Variants in GGNBP2 observed in about 807,000 individuals in gnomAD.
GGNBP2 encodes the protein gametogenetin-binding protein 2.
In GGNBP2, 10 loss-of-function variants were observed where a neutral mutation model predicts 85.9. That is an observed-to-expected ratio of 0.12 (90% CI 0.07 to 0.20). The LOEUF (loss-of-function observed/expected upper bound fraction) is 0.20. Among genes scored for constraint, GGNBP2 ranks in the 10% least tolerant of loss-of-function variants. The pLI, the probability that GGNBP2 is intolerant of heterozygous loss-of-function variation, is 1.00. For missense variants in GGNBP2, 595 were observed against 857.8 expected, an observed-to-expected ratio of 0.69 and a Z score of 3.83; for synonymous variants, 287 against 285.7, an observed-to-expected ratio of 1.00 and a Z score of -0.05.
At chr17:36,570,618 T>G (rs150597177) in intron 6 of GGNBP2, among the ~76,000 whole-genome samples, 268 of 150,808 alleles carry the variant, frequency 1.8e-3, no homozygotes, top group African/African-American at 6.4e-3. Context: ...GAGAATCGCT[T>G]GAACCCAGGA....
intron 10 of GGNBP2, 155 bp downstream of exon 10, chr17:36,585,605 T>C: frequency 1.6e-6 from 1 of 635,800 alleles, no homozygotes. Context: ...TAATATTTCC[T>C]TTTTCTTTAT....
chr17:36,578,340 A>C (rs1210922729), intron 7 of GGNBP2, 154 bp downstream of exon 7: 12 of 568,850 alleles, frequency 2.1e-5, no homozygotes, highest in Non-Finnish European at 3.0e-5. Flanking sequence ...TAAAGTATGC[A>C]TTTCTTAATT....
At chr17:36,548,697 A>G (rs1193807432) in intron 2 of GGNBP2, among the ~76,000 whole-genome samples, 1 of 145,034 alleles carries the variant, frequency 6.9e-6, no homozygotes, top group Non-Finnish European at 1.5e-5. Flanking sequence ...TAATCCTAGC[A>G]CTTTGGGAGG....
chr17:36,575,857 G>A (rs2142759737), intron 6 of GGNBP2, among the ~76,000 whole-genome samples: 1 of 149,800 alleles, frequency 6.7e-6, no homozygotes, highest in East Asian at 2.0e-4. Flanking sequence ...ATGTTGGCCA[G>A]GCTGATCTCG....
chr17:36,560,726 T>G (rs891889434), intron 4 of GGNBP2, 47 bp from the exon 5 acceptor site: 5 of 1,116,342 alleles, frequency 4.5e-6, no homozygotes, highest in Non-Finnish European at 6.5e-6. Context: ...TTTTAAAATT[T>G]GAAAGTAAAA....
intron 4 of GGNBP2, among the ~76,000 whole-genome samples, chr17:36,559,341 A>G (rs899816095): frequency 6.6e-6 from 1 of 150,592 alleles, no homozygotes; most frequent in Non-Finnish European, 1.5e-5. Flanking sequence ...AATGGTTACC[A>G]TTTACCGAGA....
At chr17:36,545,338 C>G (rs1280986534) in intron 1 of GGNBP2, among the ~76,000 whole-genome samples, 2 of 123,368 alleles carry the variant, frequency 1.6e-5, no homozygotes, top group Non-Finnish European at 3.2e-5. Flanking sequence ...ACTCCTGCAG[C>G]GGGCGGGGAA....
Position 36,589,485 on chromosome 17 carries a change from A to AGT in GGNBP2, c.*74_*75insGT. On this transcript the variant is annotated 3_prime_UTR_variant, in exon 14 of 14. Transcript: ENST00000613102. ...GCGCCTTCTCTTTCGAAAAACTCTTAATTTAGTGACTTATGGCAAAATTTT... is the reference window on the plus strand; with the variant it reads ...GCGCCTTCTCTTTCGAAAAACTCTTAGTATTTAGTGACTTATGGCAAAATTTT... The AGT allele has an allele frequency of 8.1e-7, 1 of 1,236,374 alleles. No individual in the cohort carries two copies. Among genetic ancestry groups the AGT allele is most frequent in the Non-Finnish European group, 1.2e-6 (1 of 866,002 alleles). 76.6% of individuals were successfully genotyped at this position (1,236,374 alleles called of 1,614,324 possible). A position where few individuals can be genotyped will look rare whatever the true frequency, so the allele number is the denominator to read the frequency against.
At chr17:36,553,447 A>G (rs745599098) in intron 2 of GGNBP2, among the ~76,000 whole-genome samples, 50 of 152,170 alleles carry the variant, frequency 3.3e-4, no homozygotes, top group Non-Finnish European at 3.8e-4. Flanking sequence ...TAGAACAAAC[A>G]TGTTTTAAAT....
intron 2 of GGNBP2, among the ~76,000 whole-genome samples, chr17:36,551,256 G>A (rs2074305842): frequency 6.6e-6 from 1 of 151,614 alleles, no homozygotes; most frequent in Admixed American, 6.6e-5. Flanking sequence ...GCTCAAGCTG[G>A]CGTGCAATGG....
intron 5 of GGNBP2, among the ~76,000 whole-genome samples, chr17:36,565,073 A>G (rs564000786): frequency 2.0e-4 from 31 of 152,350 alleles, no homozygotes; most frequent in African/African-American, 7.0e-4. Flanking sequence ...GAAACCTGAG[A>G]AAGAGTAGCC....
chr17:36,585,326 C>G lies in GGNBP2; in HGVS notation c.1242C>G (p.Ser414Arg), dbSNP rs962357257. Residue 414 changes from serine (S) to arginine (R), a missense_variant, in exon 10 of 14, where the codon AGC becomes AGG. Physicochemically the swap from Ser to Arg is moderately radical, Grantham distance 110. Coordinates refer to ENST00000613102, the MANE Select transcript of GGNBP2 (RefSeq NM_024835.5). The part of the protein sequence containing the change: ...EKETDFIENS[S>R]CKACGSTEDG... ...AAACAGACTTCATAGAAAATAGCAG[C>G]TGCAAAGCCTGTGGCAGCACTGAAG... is the stretch of plus-strand genomic sequence containing the variant. The G allele has an allele frequency of 1.2e-6, 2 of 1,611,668 alleles. No individual in the cohort carries two copies. Among genetic ancestry groups the G allele is most frequent in the East Asian group, 2.2e-5 (1 of 44,806 alleles).
rs116300954 is a variant in GGNBP2 at position 36,588,608 on chromosome 17, T to A, written c.1891-600T>A. Reference sequence around the variant, plus strand: ...GTTTAGTTTTAATATTTATTTATTTTTTTTTTTTGAGGAGTCTCGCTCTGT... The same window carrying A: ...GTTTAGTTTTAATATTTATTTATTTATTTTTTTTGAGGAGTCTCGCTCTGT... On this transcript the variant is annotated intron_variant, in intron 13 of 13. Coordinates refer to ENST00000613102, the MANE Select transcript of GGNBP2 (RefSeq NM_024835.5). Among the ~76,000 whole-genome samples the A allele has an allele frequency of 4.1e-3, 624 of 151,572 alleles. 2 individuals are homozygous for A. The highest frequency in any genetic ancestry group is 0.021 in the Middle Eastern group (6 of 292).
At chr17:36,567,042 C>T (rs2074475596) in intron 5 of GGNBP2, among the ~76,000 whole-genome samples, 1 of 152,000 alleles carries the variant, frequency 6.6e-6, no homozygotes, top group South Asian at 2.1e-4. Context: ...ATGATGATCT[C>T]ATTAAGTAGA....
intron 2 of GGNBP2, chr17:36,546,337 A>G (rs2074254952): frequency 5.4e-6 from 1 of 186,466 alleles, no homozygotes; most frequent in South Asian, 1.9e-4. Context: ...ATTTCGTTGT[A>G]AATAGTCTCG....
chr17:36,554,769 C>A, intron 2 of GGNBP2, 51 bp from the exon 3 acceptor site: 2 of 1,111,922 alleles, frequency 1.8e-6, no homozygotes, highest in Non-Finnish European at 2.8e-6. Context: ...AGGCTGTATC[C>A]TGTTCTCAGA....
intron 2 of GGNBP2, among the ~76,000 whole-genome samples, chr17:36,552,532 G>C (rs935679696): frequency 2.2e-5 from 3 of 134,496 alleles, no homozygotes; most frequent in African/African-American, 7.3e-5. Context: ...ATGTATGAAA[G>C]TGCTTATAAC....
chr17:36,581,747 T>G (rs1440740074), intron 9 of GGNBP2: 2 of 339,992 alleles, frequency 5.9e-6, no homozygotes, highest in African/African-American at 2.1e-5. Flanking sequence ...TTAATAAAAA[T>G]AAAAAGTACA....
At chr17:36,579,463 C>T (rs777566739) in intron 8 of GGNBP2, 44 bp downstream of exon 8, 15 of 1,529,994 alleles carry the variant, frequency 9.8e-6, no homozygotes, top group East Asian at 9.0e-5. Context: ...TGCTTAGTCA[C>T]GTTATTGGAC....
Sources: allele counts gnomAD v4.1 joint callset (sites outside exome capture counted in the v4.1 genomes callset), GRCh38; gene constraint gnomAD v4.1.1; transcripts MANE v1.5; gene names NCBI Gene and HGNC (gene_info 2026-07-23, HGNC 2026-07-21).